The following TTLL11 variants were observed in gnomAD, a reference collection of about 807,000 sequenced individuals.
The protein encoded by TTLL11 is tubulin polyglutamylase TTLL11.
In TTLL11, 42 loss-of-function variants were observed where a neutral mutation model predicts 51.7. The observed-to-expected ratio is 0.81, with a 90% CI of 0.64 to 1.05. The LOEUF is 1.05. TTLL11 is among the 50% of genes least tolerant of loss of function. TTLL11 has a pLI of 0.00. For missense variants in TTLL11, 799 were observed against 940.4 expected, an observed-to-expected ratio of 0.85 and a Z score of 1.97; for synonymous variants, 381 against 383.5, an observed-to-expected ratio of 0.99 and a Z score of 0.08.
At chr9:121,896,230 T>C (rs754198941) in intron 6 of TTLL11, among the ~76,000 whole-genome samples, 30 of 152,056 alleles carry the variant, frequency 2.0e-4, no homozygotes, top group Non-Finnish European at 4.0e-4. Context: ...TGGTTCCACC[T>C]TGGTCCAGCG....
At chr9:122,024,663 G>A (rs759001577) in intron 3 of TTLL11, among the ~76,000 whole-genome samples, 1 of 152,158 alleles carries the variant, frequency 6.6e-6, no homozygotes, top group Non-Finnish European at 1.5e-5. Context: ...TGGTGCAAAG[G>A]CAATTTGGAA....
chr9:121,994,991 G>C (rs1843211276), intron 3 of TTLL11, among the ~76,000 whole-genome samples: 1 of 152,214 alleles, frequency 6.6e-6, no homozygotes. Flanking sequence ...GGTAGTCACA[G>C]GGAATATAAG....
At chr9:121,978,031 A>G (rs1226574936) in intron 4 of TTLL11, among the ~76,000 whole-genome samples, 1 of 152,200 alleles carries the variant, frequency 6.6e-6, no homozygotes, top group African/African-American at 2.4e-5. Flanking sequence ...GCTGCTGGAA[A>G]TACAACAGTG....
chr9:122,009,730 T>C (rs916608943), intron 3 of TTLL11, among the ~76,000 whole-genome samples: 4 of 151,916 alleles, frequency 2.6e-5, no homozygotes, highest in Non-Finnish European at 5.9e-5. Context: ...TGACTTTGTA[T>C]ACACACATAG....
At chr9:121,999,403 G>A (rs1194776256) in intron 3 of TTLL11, among the ~76,000 whole-genome samples, 1 of 152,012 alleles carries the variant, frequency 6.6e-6, no homozygotes, top group African/African-American at 2.4e-5. Context: ...TACCCCTCCT[G>A]TGTTCCCTCT....
intron 1 of TTLL11, among the ~76,000 whole-genome samples, chr9:122,067,018 G>C (rs1845603862): frequency 6.6e-6 from 1 of 152,116 alleles, no homozygotes; most frequent in African/African-American, 2.4e-5. Context: ...CCTTCACCTG[G>C]TCTCTCCCTT....
chr9:121,846,033 C>T (rs1837506402), intron 8 of TTLL11, among the ~76,000 whole-genome samples: 1 of 150,258 alleles, frequency 6.7e-6, no homozygotes, highest in South Asian at 2.1e-4. Context: ...TAAAAAGAAA[C>T]ACACTTTAAA....
intron 6 of TTLL11, among the ~76,000 whole-genome samples, chr9:121,930,986 G>A (rs1456732886): frequency 1.3e-5 from 2 of 152,236 alleles, no homozygotes; most frequent in Non-Finnish European, 2.9e-5. Flanking sequence ...GAGATGGGAT[G>A]TGCTCAAGCA....
At chr9:121,870,374 A>G (rs1838316808) in intron 7 of TTLL11, 123 bp downstream of exon 7, 4 of 1,288,288 alleles carry the variant, frequency 3.1e-6, no homozygotes, top group South Asian at 3.2e-5. Flanking sequence ...TCCAAGCTCA[A>G]ATGGGGTACT....
chr9:121,955,566 C>T (rs920164471), intron 6 of TTLL11, among the ~76,000 whole-genome samples: 10 of 152,150 alleles, frequency 6.6e-5, no homozygotes, highest in South Asian at 2.1e-4. Context: ...AAGAAACTGA[C>T]GCTTTGAGAA....
intron 6 of TTLL11, among the ~76,000 whole-genome samples, chr9:121,917,466 A>G (rs913848989): frequency 6.6e-6 from 1 of 151,542 alleles, no homozygotes; most frequent in African/African-American, 2.4e-5. Flanking sequence ...AGAGCAAGAC[A>G]CTGTTGAAAG....
At chr9:121,981,345 A>T (rs1363709697) in intron 4 of TTLL11, among the ~76,000 whole-genome samples, 1 of 152,066 alleles carries the variant, frequency 6.6e-6, no homozygotes, top group Non-Finnish European at 1.5e-5. Flanking sequence ...GCTGTTAATC[A>T]CATCCAGTGA....
At chr9:121,901,004 G>C (rs960572024) in intron 6 of TTLL11, among the ~76,000 whole-genome samples, 1 of 151,982 alleles carries the variant, frequency 6.6e-6, no homozygotes, top group Non-Finnish European at 1.5e-5. Flanking sequence ...TGAACTCCTG[G>C]ACTCAAGAGA....
At chr9:121,861,524 G>A (rs373175576) in intron 7 of TTLL11, among the ~76,000 whole-genome samples, 302 of 152,274 alleles carry the variant, frequency 2.0e-3, no homozygotes, top group African/African-American at 7.0e-3. Flanking sequence ...GCCTGACCTT[G>A]CACAGCAATG....
At chr9:122,012,673 C>T (rs1217561093) in intron 3 of TTLL11, among the ~76,000 whole-genome samples, 1 of 147,210 alleles carries the variant, frequency 6.8e-6, no homozygotes, top group East Asian at 2.0e-4. Context: ...TACACACACA[C>T]ACACGCACAC....
At chr9:121,948,637 G>C (rs930951516) in intron 6 of TTLL11, among the ~76,000 whole-genome samples, 1 of 152,168 alleles carries the variant, frequency 6.6e-6, no homozygotes, top group Non-Finnish European at 1.5e-5. Flanking sequence ...AGAAACTGAA[G>C]TTTGAAGAGC....
At chr9:121,877,132 C>A (rs965787406) in intron 6 of TTLL11, among the ~76,000 whole-genome samples, 1 of 152,242 alleles carries the variant, frequency 6.6e-6, no homozygotes, top group African/African-American at 2.4e-5. Context: ...ATAAACAGGT[C>A]CCCGTCCCTG....
chr9:122,044,191 T>A (rs540423832), intron 1 of TTLL11, among the ~76,000 whole-genome samples: 2 of 152,118 alleles, frequency 1.3e-5, no homozygotes, highest in East Asian at 3.9e-4. Flanking sequence ...CATGAACTCA[T>A]CCTTTTTTAT....
At chr9:122,057,753 A>G (rs1845330826) in intron 1 of TTLL11, among the ~76,000 whole-genome samples, 1 of 152,212 alleles carries the variant, frequency 6.6e-6, no homozygotes, top group Non-Finnish European at 1.5e-5. Flanking sequence ...ATATTTATAA[A>G]CACACCTCTC....
Sources: gnomAD v4.1 joint callset for allele counts (sites outside exome capture counted in the v4.1 genomes callset) on GRCh38, gnomAD v4.1.1 for gene constraint, MANE v1.5 for transcripts, NCBI Gene and HGNC (gene_info 2026-07-23, HGNC 2026-07-21) for gene names.